AGTR1: variants seen among roughly 807,000 people sequenced by gnomAD.
AGTR1 encodes angiotensin II receptor type 1, also known as type-1 angiotensin II receptor.
AGTR1 carries 16 observed loss-of-function variants against 19.4 expected under a neutral mutation model. The observed-to-expected ratio is 0.82, with a 90% CI of 0.56 to 1.25. The LOEUF (loss-of-function observed/expected upper bound fraction) is 1.25. Among genes scored for constraint, AGTR1 ranks in the 50% most tolerant of loss-of-function variants. The pLI, the probability that AGTR1 is intolerant of heterozygous loss-of-function variation, is 0.00. For missense variants in AGTR1, 373 were observed against 431.9 expected (o/e 0.86, Z 1.21); for synonymous variants, 153 against 154.9 (o/e 0.99, Z 0.09).
At chr3:148,724,685 G>A (rs948260087) in intron 2 of AGTR1, among the ~76,000 whole-genome samples, 3 of 152,086 alleles carry the variant, frequency 2.0e-5, no homozygotes, top group Non-Finnish European at 2.9e-5. Flanking sequence ...TCAAAAGTCC[G>A]TAAGTTGCAG....
At chr3:148,699,408 C>T (rs2639364) in intron 1 of AGTR1, among the ~76,000 whole-genome samples, 131,002 of 152,142 alleles carry the variant, frequency 0.86, 56,803 homozygotes, top group African/African-American at 0.95. Flanking sequence ...TTGTCTTCTC[C>T]GGTGTTTCCC....
chr3:148,733,645 T>C (rs1272920232), intron 2 of AGTR1, among the ~76,000 whole-genome samples: 1 of 152,206 alleles, frequency 6.6e-6, no homozygotes, highest in Non-Finnish European at 1.5e-5. Flanking sequence ...AGCTTGTGAG[T>C]AGTCTCCAAG....
intron 2 of AGTR1, among the ~76,000 whole-genome samples, chr3:148,739,105 T>C (rs1439098348): frequency 6.6e-6 from 1 of 152,196 alleles, no homozygotes; most frequent in African/African-American, 2.4e-5. Flanking sequence ...ACGCCTGTAA[T>C]TCCAACATTT....
intron 2 of AGTR1, among the ~76,000 whole-genome samples, chr3:148,729,819 G>C (rs1192820528): frequency 2.6e-5 from 4 of 152,074 alleles, no homozygotes; most frequent in Non-Finnish European, 5.9e-5. Context: ...GGAATTCTCA[G>C]AGCTGGCGAA....
intron 2 of AGTR1, among the ~76,000 whole-genome samples, chr3:148,723,888 G>C (rs1713784353): frequency 6.6e-6 from 1 of 152,164 alleles, no homozygotes; most frequent in Non-Finnish European, 1.5e-5. Context: ...CTTCAGTCTA[G>C]TTAAAACATT....
Position 148,742,311 on chromosome 3 carries a change from G to T in AGTR1, c.*196G>T. On this transcript the variant is annotated 3_prime_UTR_variant, in exon 3 of 3. Coordinates refer to ENST00000349243, the MANE Select transcript of AGTR1 (RefSeq NM_000685.5). Reference sequence around the variant, plus strand: ...TCCTTTTGCAACAAGACAAAGCAAAGCCACATTTTGCATTAGACAGATGAC... The same window carrying T: ...TCCTTTTGCAACAAGACAAAGCAAATCCACATTTTGCATTAGACAGATGAC... The T allele has an allele frequency of 2.5e-6, 2 of 796,954 alleles. No individual in the cohort carries two copies. The highest frequency in any genetic ancestry group is 2.9e-5 in the South Asian group (2 of 69,710). The allele number at this position is 796,954 out of a possible 1,614,324, so 49.4% of individuals were successfully genotyped here.
intron 1 of AGTR1, among the ~76,000 whole-genome samples, chr3:148,705,032 G>C (rs1712589404): frequency 6.6e-6 from 1 of 152,120 alleles, no homozygotes; most frequent in African/African-American, 2.4e-5. Context: ...ATACCCAAAA[G>C]ATATCTTACA....
At chr3:148,736,517 A>G (rs1420725663) in intron 2 of AGTR1, among the ~76,000 whole-genome samples, 1 of 152,240 alleles carries the variant, frequency 6.6e-6, no homozygotes, top group East Asian at 1.9e-4. Context: ...TAAAGATTCA[A>G]GTAAAACATA....
chr3:148,714,068 G>A (rs1251174641), intron 2 of AGTR1, among the ~76,000 whole-genome samples: 2 of 152,166 alleles, frequency 1.3e-5, no homozygotes, highest in Non-Finnish European at 2.9e-5. Context: ...TACTGAAAGA[G>A]GATATTAAAC....
intron 1 of AGTR1, among the ~76,000 whole-genome samples, chr3:148,700,971 C>T (rs570116780): frequency 2.0e-5 from 3 of 152,076 alleles, no homozygotes; most frequent in Non-Finnish European, 2.9e-5. Context: ...TAAATTTGAT[C>T]GATTTGTATC....
chr3:148,709,338 C>G (rs545060164), intron 2 of AGTR1, among the ~76,000 whole-genome samples: 1 of 152,180 alleles, frequency 6.6e-6, no homozygotes, highest in South Asian at 2.1e-4. Context: ...GGACACTTAC[C>G]CAGGGGGTTC....
chr3:148,702,908 A>AGAT (rs1308213934), intron 1 of AGTR1, among the ~76,000 whole-genome samples: 1 of 152,220 alleles, frequency 6.6e-6, no homozygotes, highest in Non-Finnish European at 1.5e-5. Context: ...AATCTCATTT[A>AGAT]GATACACTGT....
intron 1 of AGTR1, among the ~76,000 whole-genome samples, chr3:148,704,608 A>G (rs1373278243): frequency 6.6e-6 from 1 of 152,224 alleles, no homozygotes; most frequent in African/African-American, 2.4e-5. Context: ...ACAAAAATGT[A>G]GTAAAATATA....
intron 2 of AGTR1, among the ~76,000 whole-genome samples, chr3:148,727,419 A>G (rs1026223201): frequency 1.5e-4 from 23 of 152,174 alleles, no homozygotes; most frequent in African/African-American, 4.1e-4. Flanking sequence ...ATCCTGTCAG[A>G]TTCCCCGAAG....
Position 148,741,183 on chromosome 3 carries a change from G to A in AGTR1, c.148G>A (p.Val50Met), listed in dbSNP as rs1450888240. 5 of 1,614,030 alleles carry A rather than the reference G, an allele frequency of 3.1e-6. No homozygotes were observed. In the African/African-American group the frequency reaches 4.0e-5, roughly 13 times the overall value. The change falls in exon 3 of 3, where the codon GTG becomes ATG. Residue 50 changes from valine to methionine, a missense_variant. Physicochemically the swap from Val to Met is conservative, Grantham distance 21. Transcript: ENST00000349243. ...VVGIFGNSLV[V>M]IVIYFYMKLK... Reference sequence around the variant, plus strand: ...GGGAATATTTGGAAACAGCTTGGTGGTGATAGTCATTTACTTTTATATGAA... The same window carrying A: ...GGGAATATTTGGAAACAGCTTGGTGATGATAGTCATTTACTTTTATATGAA...
intron 1 of AGTR1, among the ~76,000 whole-genome samples, chr3:148,699,321 C>G (rs984448357): frequency 6.6e-6 from 1 of 152,200 alleles, no homozygotes; most frequent in African/African-American, 2.4e-5. Flanking sequence ...TTTTGGATCT[C>G]CAGGTGTTTA....
In AGTR1 at chr3:148,741,953, G is replaced by A. The variant is rs1064535; in HGVS notation, c.918G>A (p.Gly306=). The change falls in exon 3 of 3, where the codon GGG becomes GGA. Residue 306 remains glycine (G), a synonymous_variant. Coordinates refer to ENST00000349243, the MANE Select transcript of AGTR1 (RefSeq NM_000685.5). ...CLNPLFYGFL[G]KKFKRYFLQL... ...ATCCTCTTTTTTATGGCTTTCTGGG[G>A]AAAAAATTTAAAAGATATTTTCTCC... The A allele has an allele frequency of 1.2e-6, 2 of 1,613,638 alleles. No homozygotes were observed. Among genetic ancestry groups the A allele is most frequent in the Non-Finnish European group, 1.7e-6 (2 of 1,179,924 alleles).
intron 1 of AGTR1, among the ~76,000 whole-genome samples, chr3:148,698,547 G>A (rs766567061): frequency 1.1e-4 from 16 of 152,126 alleles, no homozygotes; most frequent in Non-Finnish European, 2.2e-4. Flanking sequence ...TACTTTTGAG[G>A]TGAAGTTAAG....
chr3:148,730,381 C>A, intron 2 of AGTR1: 4 of 387,766 alleles, frequency 1.0e-5, no homozygotes. Context: ...GTGGGTATTC[C>A]ACCCTACCTG....
Sources: gnomAD v4.1 joint callset for allele counts (sites outside exome capture counted in the v4.1 genomes callset) on GRCh38, gnomAD v4.1.1 for gene constraint, MANE v1.5 for transcripts, NCBI Gene and HGNC (gene_info 2026-07-23, HGNC 2026-07-21) for gene names.